TMTC2: variants seen among roughly 807,000 people sequenced by gnomAD.
TMTC2 encodes transmembrane O-mannosyltransferase targeting cadherins 2, also known as protein O-mannosyl-transferase TMTC2.
Under a neutral mutation model 82.4 loss-of-function variants are expected in TMTC2, and 43 were observed. The ratio of observed to expected loss-of-function variants is 0.52; its 90% confidence interval spans 0.41 to 0.67. The LOEUF is 0.67. Ranked by LOEUF, TMTC2 falls within the 30% of genes least tolerant of loss-of-function variation. TMTC2 has a pLI of 0.00. For synonymous variants in TMTC2, 408 were observed against 381.9 expected (o/e 1.07, Z -0.80); for missense variants, 919 against 1,012.4 (o/e 0.91, Z 1.25).
At position 82,831,583 on chromosome 12, in the gene TMTC2, G is replaced by T. The variant is rs192808961; in HGVS notation, c.84-25427G>T. On this transcript the variant is annotated intron_variant, in intron 1 of 11. Transcript: ENST00000321196. ...TTTTGGGAGGTTTCTTCTTGTGGGTGATCTTCATCTTCAGGCCAAACTCTT... is the reference window on the plus strand; with the variant it reads ...TTTTGGGAGGTTTCTTCTTGTGGGTTATCTTCATCTTCAGGCCAAACTCTT... Among the ~76,000 whole-genome samples the T allele has an allele frequency of 2.6e-5, 4 of 152,196 alleles. No homozygotes were observed. In the East Asian group the frequency reaches 7.7e-4, roughly 29 times the overall value.
At chr12:82,972,706 A>G (rs571096622) in intron 7 of TMTC2, among the ~76,000 whole-genome samples, 120 of 152,330 alleles carry the variant, frequency 7.9e-4, no homozygotes, top group Non-Finnish European at 1.3e-3. Context: ...AGAAGAACTG[A>G]CAAATCACCT....
chr12:82,732,075 A>G (rs1874842961), intron 1 of TMTC2, among the ~76,000 whole-genome samples: 1 of 152,214 alleles, frequency 6.6e-6, no homozygotes, highest in Non-Finnish European at 1.5e-5. Flanking sequence ...CATTTTTGGA[A>G]ACTAAGAATT....
intron 11 of TMTC2, among the ~76,000 whole-genome samples, chr12:83,128,025 A>G (rs1174370773): frequency 6.6e-6 from 1 of 152,270 alleles, no homozygotes; most frequent in East Asian, 1.9e-4. Context: ...TCTCCTTTCT[A>G]GCCTGTGAAG....
intron 11 of TMTC2, among the ~76,000 whole-genome samples, chr12:83,121,399 C>CA (rs1884943288): frequency 6.6e-6 from 1 of 152,130 alleles, no homozygotes; most frequent in African/African-American, 2.4e-5. Context: ...TCCTGTGAGC[C>CA]AAGCTGTAGT....
intron 1 of TMTC2, among the ~76,000 whole-genome samples, chr12:82,722,642 T>C (rs1270932003): frequency 6.6e-6 from 1 of 150,550 alleles, no homozygotes. Flanking sequence ...CTCGGGAGGC[T>C]GAGAAAGGAG....
At chr12:82,946,144 G>GTATT (rs1435223988) in intron 4 of TMTC2, among the ~76,000 whole-genome samples, 7 of 151,898 alleles carry the variant, frequency 4.6e-5, no homozygotes, top group Admixed American at 3.9e-4. Context: ...AACATTGCAT[G>GTATT]TATTACCTTC....
intron 1 of TMTC2, among the ~76,000 whole-genome samples, chr12:82,851,710 G>A (rs1371340667): frequency 6.6e-6 from 1 of 152,098 alleles, no homozygotes; most frequent in Non-Finnish European, 1.5e-5. Context: ...TTCTTGCAAA[G>A]AACATTTCAA....
At chr12:82,792,440 TCTC>T (rs1336234611) in intron 1 of TMTC2, among the ~76,000 whole-genome samples, 7 of 151,942 alleles carry the variant, frequency 4.6e-5, no homozygotes, top group Non-Finnish European at 8.8e-5. Context: ...TTCCCTCTCC[TCTC>T]CTCAATGGTT....
chr12:82,690,281 C>A, intron 1 of TMTC2: 2 of 622,194 alleles, frequency 3.2e-6, no homozygotes, highest in Non-Finnish European at 4.0e-6. Context: ...ATTGCTTAAA[C>A]TAGACCTGTG....
intron 1 of TMTC2, among the ~76,000 whole-genome samples, chr12:82,715,508 C>G (rs1420554076): frequency 6.6e-6 from 1 of 152,118 alleles, no homozygotes; most frequent in Non-Finnish European, 1.5e-5. Context: ...GTTGGCCACG[C>G]AGAGCACACA....
intron 1 of TMTC2, among the ~76,000 whole-genome samples, chr12:82,819,550 G>A (rs905454888): frequency 4.3e-5 from 6 of 140,500 alleles, no homozygotes; most frequent in Non-Finnish European, 7.5e-5. Context: ...TGCCCAGGCT[G>A]GAGTGCAATG....
Position 82,844,734 on chromosome 12 carries a change from G to C in TMTC2, c.84-12276G>C, listed in dbSNP as rs1221836763. Among the ~76,000 whole-genome samples the C allele has an allele frequency of 6.7e-4, 102 of 151,498 alleles. 2 individuals carry two copies. The highest frequency in any genetic ancestry group is 2.3e-3 in the African/African-American group (96 of 41,284). ...GGAGAATGGCGGGAACCCAGGAGGC[G>C]GAGCTTGCAGTGAGCCGAGATCGCA... is the stretch of plus-strand genomic sequence containing the variant. On this transcript the variant is annotated intron_variant, in intron 1 of 11. Transcript: ENST00000321196.
intron 11 of TMTC2, among the ~76,000 whole-genome samples, chr12:83,098,702 G>T (rs186067798): frequency 3.3e-5 from 5 of 152,246 alleles, no homozygotes; most frequent in Admixed American, 6.5e-5. Context: ...CTCGAGCAAG[G>T]GGGACCCGAC....
At chr12:82,858,250 T>G (rs1286963804) in intron 2 of TMTC2, among the ~76,000 whole-genome samples, 1 of 152,334 alleles carries the variant, frequency 6.6e-6, no homozygotes, top group Non-Finnish European at 1.5e-5. Flanking sequence ...CAGAAGCATT[T>G]TAGGATCCCC....
chr12:83,126,039 G>A (rs1288939548), intron 11 of TMTC2, among the ~76,000 whole-genome samples: 4 of 152,116 alleles, frequency 2.6e-5, no homozygotes, highest in Non-Finnish European at 4.4e-5. Context: ...ATCATTAAGA[G>A]AAGGTATTCA....
At chr12:82,906,491 C>T (rs985990804) in intron 3 of TMTC2, among the ~76,000 whole-genome samples, 7 of 152,024 alleles carry the variant, frequency 4.6e-5, no homozygotes, top group African/African-American at 1.4e-4. Context: ...ATGGTGAAAC[C>T]CCATCTCTAC....
chr12:82,796,947 T>C (rs1353563227), intron 1 of TMTC2, among the ~76,000 whole-genome samples: 3 of 152,186 alleles, frequency 2.0e-5, no homozygotes, highest in African/African-American at 7.2e-5. Context: ...CATGAATAGA[T>C]ATAATCAGCT....
chr12:82,966,959 C>T lies in TMTC2; in HGVS notation c.1910C>T (p.Pro637Leu). ...TACAAGGAAGCAATTCAGAAAATGCCAAGGCAGTTTGCCCCACAGAGCTTG... is the reference window on the plus strand; with the variant it reads ...TACAAGGAAGCAATTCAGAAAATGCTAAGGCAGTTTGCCCCACAGAGCTTG... ...SVYKEAIQKM[P>L]RQFAPQSLYN... Residue 637 changes from proline to leucine, a missense_variant, in exon 7 of 12, where the codon CCA becomes CTA. Transcript: ENST00000321196. 1 of 1,613,152 alleles carries T rather than the reference C, an allele frequency of 6.2e-7. No individual in the cohort carries two copies. The highest frequency in any genetic ancestry group is 2.2e-5 in the East Asian group (1 of 44,852).
chr12:82,954,152 A>G (rs1877490195), intron 4 of TMTC2, among the ~76,000 whole-genome samples: 1 of 152,054 alleles, frequency 6.6e-6, no homozygotes, highest in African/African-American at 2.4e-5. Flanking sequence ...TTTTATTTTC[A>G]TGAAGCCTGT....
Sources: gnomAD v4.1 joint callset for allele counts (sites outside exome capture counted in the v4.1 genomes callset) on GRCh38, gnomAD v4.1.1 for gene constraint, MANE v1.5 for transcripts, NCBI Gene and HGNC (gene_info 2026-07-23, HGNC 2026-07-21) for gene names.